RBFOX1: variants seen among roughly 807,000 people sequenced by gnomAD.
RBFOX1 encodes the protein RNA binding protein fox-1 homolog 1.
Under a neutral mutation model 57.7 loss-of-function variants are expected in RBFOX1, and 8 were observed. The ratio of observed to expected loss-of-function variants is 0.14; its 90% CI spans 0.08 to 0.25. RBFOX1 has a LOEUF of 0.25. RBFOX1 is among the 10% of genes least tolerant of loss of function. RBFOX1 has a pLI of 1.00. For synonymous variants in RBFOX1, 326 were observed against 222.4 expected, an observed-to-expected ratio of 1.47 and a Z score of -4.15; for missense variants, 611 against 548.5, an observed-to-expected ratio of 1.11 and a Z score of -1.14.
At chr16:7,215,196 A>G (rs1008493574) in intron 4 of RBFOX1, among the ~76,000 whole-genome samples, 1 of 152,286 alleles carries the variant, frequency 6.6e-6, no homozygotes, top group Admixed American at 6.5e-5. Context: ...GCTGAGGATG[A>G]TGGTTCAGCT....
chr16:6,559,164 T>A (rs189128402), intron 2 of RBFOX1, among the ~76,000 whole-genome samples: 1 of 135,208 alleles, frequency 7.4e-6, no homozygotes, highest in Non-Finnish European at 1.7e-5. Flanking sequence ...TATGACTGTT[T>A]GTGTGTACAT....
At chr16:7,273,940 C>A (rs772607355) in intron 4 of RBFOX1, among the ~76,000 whole-genome samples, 1 of 152,176 alleles carries the variant, frequency 6.6e-6, no homozygotes, top group Non-Finnish European at 1.5e-5. Flanking sequence ...TGTAGTATTA[C>A]TGGTCTATAA....
chr16:7,360,847 G>A (rs537020437), intron 4 of RBFOX1, among the ~76,000 whole-genome samples: 4 of 152,282 alleles, frequency 2.6e-5, no homozygotes, highest in South Asian at 2.1e-4. Flanking sequence ...CTGCCTCCCA[G>A]AGATTTCCCA....
At chr16:5,355,197 C>T (rs944695864) in intron 1 of RBFOX1, among the ~76,000 whole-genome samples, 5 of 152,266 alleles carry the variant, frequency 3.3e-5, no homozygotes, top group African/African-American at 9.6e-5. Context: ...CTGTGAGTTT[C>T]CCAAACTTGC....
intron 1 of RBFOX1, among the ~76,000 whole-genome samples, chr16:5,402,931 T>C (rs1461591505): frequency 1.3e-5 from 2 of 152,202 alleles, no homozygotes; most frequent in Admixed American, 6.5e-5. Flanking sequence ...AAAATATCAG[T>C]GCAGCATTTA....
At chr16:6,794,619 G>C (rs1420449612) in intron 3 of RBFOX1, among the ~76,000 whole-genome samples, 1 of 152,128 alleles carries the variant, frequency 6.6e-6, no homozygotes, top group Non-Finnish European at 1.5e-5. Flanking sequence ...TCATGGAATA[G>C]TTTCTAGGCA....
intron 2 of RBFOX1, among the ~76,000 whole-genome samples, chr16:6,377,769 C>G (rs2091355946): frequency 6.6e-6 from 1 of 152,162 alleles, no homozygotes; most frequent in Non-Finnish European, 1.5e-5. Context: ...AAATTTTAAT[C>G]AGGAATGTAA....
At chr16:5,776,969 T>C (rs766577696) in intron 3 of RBFOX1, among the ~76,000 whole-genome samples, 24 of 152,218 alleles carry the variant, frequency 1.6e-4, no homozygotes, top group Non-Finnish European at 2.4e-4. Context: ...AATTTAAATT[T>C]ATCTTAATTT....
chr16:7,453,491 T>C (rs1328106004), intron 4 of RBFOX1, among the ~76,000 whole-genome samples: 1 of 152,184 alleles, frequency 6.6e-6, no homozygotes, highest in Non-Finnish European at 1.5e-5. Flanking sequence ...TTAAGCATTG[T>C]AGCCTTAAAA....
At chr16:5,866,961 G>T (rs771594830) in intron 3 of RBFOX1, among the ~76,000 whole-genome samples, 7 of 152,178 alleles carry the variant, frequency 4.6e-5, no homozygotes, top group Non-Finnish European at 5.9e-5. Flanking sequence ...AATGTCTTCA[G>T]TGCCTTTGTT....
intron 1 of RBFOX1, among the ~76,000 whole-genome samples, chr16:6,181,443 G>T (rs868850356): frequency 6.6e-6 from 1 of 152,116 alleles, no homozygotes; most frequent in Non-Finnish European, 1.5e-5. Context: ...TGAAATTTTG[G>T]GGGGGTCAGT....
At chr16:5,727,063 A>C (rs1254067357) in intron 3 of RBFOX1, among the ~76,000 whole-genome samples, 2 of 152,188 alleles carry the variant, frequency 1.3e-5, no homozygotes, top group East Asian at 1.9e-4. Flanking sequence ...GTTTAAGACC[A>C]GCCTGGCCCA....
intron 4 of RBFOX1, among the ~76,000 whole-genome samples, chr16:5,944,085 A>G (rs1326315894): frequency 6.6e-6 from 1 of 152,158 alleles, no homozygotes; most frequent in East Asian, 1.9e-4. Context: ...ACATACATAG[A>G]GCATCAATTC....
In RBFOX1 at chr16:6,019,246, C is replaced by T. The variant is rs1286832152; in HGVS notation, c.-873C>T. ...GGCCGTCTGGGTGCACACACCGCTC[C>T]CTCGATCACCCCAGCCCCCTTCCTG... is the stretch of plus-strand genomic sequence containing the variant. On this transcript the variant is annotated 5_prime_UTR_variant, in exon 1 of 16. Transcript: ENST00000550418. The surrounding 1 kb of genome is among the most constrained non-coding windows in gnomAD (Gnocchi z 4.2). 1.0e-6 allele frequency: 1 copy of T among 985,264 alleles called. No individual in the cohort carries two copies. The highest frequency in any genetic ancestry group is 1.2e-6 in the Non-Finnish European group (1 of 830,034). The allele number at this position is 985,264 out of a possible 1,614,324, so 61.0% of individuals were successfully genotyped here.
chr16:6,632,942 T>G (rs966852078), intron 2 of RBFOX1, among the ~76,000 whole-genome samples: 1 of 152,194 alleles, frequency 6.6e-6, no homozygotes, highest in East Asian at 1.9e-4. Context: ...GGTTGAGAGC[T>G]TCCTGTTGTT....
At chr16:7,482,070 C>T (rs370921671) in intron 4 of RBFOX1, among the ~76,000 whole-genome samples, 6 of 152,358 alleles carry the variant, frequency 3.9e-5, no homozygotes, top group South Asian at 4.1e-4. Flanking sequence ...AGCCGTGCAG[C>T]GTCCACACCT....
At chr16:7,557,611 C>T (rs113390055) in intron 5 of RBFOX1, among the ~76,000 whole-genome samples, 3 of 93,228 alleles carry the variant, frequency 3.2e-5, no homozygotes, top group African/African-American at 9.1e-5. Flanking sequence ...CAAAGTTAGA[C>T]TCTGTCTCAA....
intron 4 of RBFOX1, among the ~76,000 whole-genome samples, chr16:7,346,963 A>G (rs1319095518): frequency 3.3e-5 from 5 of 152,202 alleles, no homozygotes; most frequent in African/African-American, 7.2e-5. Context: ...TGCATGAACA[A>G]TTGAATGCAC....
chr16:7,321,876 C>G (rs576682476), intron 4 of RBFOX1, among the ~76,000 whole-genome samples: 1 of 152,296 alleles, frequency 6.6e-6, no homozygotes, highest in Admixed American at 6.5e-5. Flanking sequence ...CACCAGCTGC[C>G]TGGCCATGAC....
Sources: allele counts gnomAD v4.1 joint callset (sites outside exome capture counted in the v4.1 genomes callset), GRCh38; gene constraint gnomAD v4.1.1; non-coding constraint Gnocchi (gnomAD v3.1); transcripts MANE v1.5; gene names NCBI Gene and HGNC (gene_info 2026-07-23, HGNC 2026-07-21).